KIAA1328: variants seen among roughly 807,000 people sequenced by gnomAD.
The protein encoded by KIAA1328 is protein hinderin.
In KIAA1328, 52 loss-of-function variants were observed where a neutral mutation model predicts 68.1. The observed-to-expected ratio is 0.76, with a 90% CI of 0.61 to 0.96. KIAA1328 has a LOEUF of 0.96. Among genes scored for constraint, KIAA1328 ranks in the 40% least tolerant of loss-of-function variants. The pLI, the probability that KIAA1328 is intolerant of heterozygous loss-of-function variation, is 0.00. For missense variants in KIAA1328, 641 were observed against 677.6 expected (o/e 0.95, Z 0.60); for synonymous variants, 232 against 239.4 (o/e 0.97, Z 0.28).
At chr18:37,124,845 G>T (rs188143493) in intron 7 of KIAA1328, among the ~76,000 whole-genome samples, 9 of 152,190 alleles carry the variant, frequency 5.9e-5, no homozygotes, top group African/African-American at 2.2e-4. Context: ...ATTCTTACAT[G>T]ACTGGCTTCT....
intron 6 of KIAA1328, among the ~76,000 whole-genome samples, chr18:37,064,786 G>C (rs1049438367): frequency 6.6e-6 from 1 of 152,056 alleles, no homozygotes; most frequent in South Asian, 2.1e-4. Context: ...TGAAGATGGA[G>C]GAAGGGCTAT....
At chr18:36,883,952 G>GTGTATATATATATA (rs1556808300) in intron 4 of KIAA1328, among the ~76,000 whole-genome samples, 1 of 120,804 alleles carries the variant, frequency 8.3e-6, no homozygotes, top group African/African-American at 3.3e-5. Context: ...TATTTATAAA[G>GTGTATATATATATA]TATATATATA....
chr18:37,090,412 G>T (rs556772798), intron 7 of KIAA1328, among the ~76,000 whole-genome samples: 35 of 152,202 alleles, frequency 2.3e-4, no homozygotes, highest in African/African-American at 7.7e-4. Flanking sequence ...AAATTAGTGG[G>T]CATTTTTGTT....
At chr18:37,215,339 A>T (rs2060407089) in intron 9 of KIAA1328, among the ~76,000 whole-genome samples, 1 of 96,424 alleles carries the variant, frequency 1.0e-5, no homozygotes, top group South Asian at 4.9e-4. Context: ...TACCTAGTTT[A>T]TTGAGAGTTT....
intron 5 of KIAA1328, among the ~76,000 whole-genome samples, chr18:36,897,143 A>C (rs1199256168): frequency 1.3e-5 from 2 of 152,102 alleles, no homozygotes; most frequent in African/African-American, 2.4e-5. Context: ...CTTCCTATGG[A>C]AGATGGTAAG....
chr18:36,930,565 G>A (rs2050274124), intron 5 of KIAA1328, among the ~76,000 whole-genome samples: 2 of 152,074 alleles, frequency 1.3e-5, no homozygotes, highest in Non-Finnish European at 2.9e-5. Context: ...AGCAATAGTA[G>A]TTTTAAAAAT....
At chr18:36,883,574 G>T (rs1411856878) in intron 4 of KIAA1328, among the ~76,000 whole-genome samples, 1 of 152,138 alleles carries the variant, frequency 6.6e-6, no homozygotes, top group Non-Finnish European at 1.5e-5. Context: ...GCTCTGTAAA[G>T]ATACTGTTTA....
At chr18:37,062,725 G>A (rs2056200098) in intron 6 of KIAA1328, among the ~76,000 whole-genome samples, 1 of 152,136 alleles carries the variant, frequency 6.6e-6, no homozygotes, top group Non-Finnish European at 1.5e-5. Flanking sequence ...AAAGTGCTGG[G>A]ATTACAGGCG....
chr18:37,043,626 C>T (rs1162816782), intron 6 of KIAA1328, among the ~76,000 whole-genome samples: 5 of 152,284 alleles, frequency 3.3e-5, no homozygotes, highest in African/African-American at 4.8e-5. Flanking sequence ...TGGCTTCAAC[C>T]CTTTGTCACT....
intron 6 of KIAA1328, among the ~76,000 whole-genome samples, chr18:37,035,820 G>T (rs2055003846): frequency 6.6e-6 from 1 of 152,094 alleles, no homozygotes; most frequent in Non-Finnish European, 1.5e-5. Context: ...GCTTAAAAGG[G>T]TTATAAAACC....
chr18:36,921,626 G>T (rs372268359), intron 5 of KIAA1328, among the ~76,000 whole-genome samples: 1 of 151,944 alleles, frequency 6.6e-6, no homozygotes, highest in Non-Finnish European at 1.5e-5. Flanking sequence ...GGATGGTCTC[G>T]ATCACCTGAC....
chr18:36,893,568 C>A (rs887883180), intron 5 of KIAA1328, among the ~76,000 whole-genome samples: 23 of 151,458 alleles, frequency 1.5e-4, no homozygotes, highest in Non-Finnish European at 1.5e-5. Context: ...GTGATCCTCC[C>A]GTCTTGGCCT....
chr18:37,226,976 A>G (rs1391638938), downstream of KIAA1328, among the ~76,000 whole-genome samples: 1 of 152,204 alleles, frequency 6.6e-6, no homozygotes, highest in East Asian at 1.9e-4. Flanking sequence ...CATGTTGGTC[A>G]GGCTGGTCTT....
At chr18:36,943,268 G>A (rs531612533) in intron 5 of KIAA1328, among the ~76,000 whole-genome samples, 17 of 152,234 alleles carry the variant, frequency 1.1e-4, no homozygotes, top group South Asian at 6.2e-4. Context: ...CAAAAATTTT[G>A]TTTGTAGTAT....
chr18:37,177,786 G>C (rs879547500), intron 9 of KIAA1328, among the ~76,000 whole-genome samples: 1 of 152,098 alleles, frequency 6.6e-6, no homozygotes. Flanking sequence ...TACATACTTT[G>C]AGGGACTTGA....
chr18:37,079,319 G>A (rs1259763869), intron 7 of KIAA1328, among the ~76,000 whole-genome samples: 1 of 112,984 alleles, frequency 8.9e-6, no homozygotes, highest in Non-Finnish European at 1.7e-5. Context: ...ATCACACAGC[G>A]GGGCCTGTTG....
chr18:36,860,010 C>T (rs572777977), intron 4 of KIAA1328, among the ~76,000 whole-genome samples: 3 of 151,382 alleles, frequency 2.0e-5, no homozygotes, highest in Non-Finnish European at 2.9e-5. Flanking sequence ...ATTTTACTGT[C>T]ATCCATTTAA....
At chr18:36,953,739 T>TAGTA (rs1006954060) in intron 5 of KIAA1328, among the ~76,000 whole-genome samples, 33 of 152,038 alleles carry the variant, frequency 2.2e-4, no homozygotes, top group Non-Finnish European at 4.0e-4. Context: ...ATAAAATTAG[T>TAGTA]AGTAATTCCA....
chr18:37,041,113 TG>T (rs1008339904), intron 6 of KIAA1328, among the ~76,000 whole-genome samples: 2 of 152,034 alleles, frequency 1.3e-5, no homozygotes, highest in African/African-American at 4.8e-5. Context: ...GCTGATTTTT[TG>T]TTTAGTTGTT....
Sources: allele counts gnomAD v4.1 joint callset (sites outside exome capture counted in the v4.1 genomes callset), GRCh38; gene constraint gnomAD v4.1.1; transcripts MANE v1.5; gene names NCBI Gene and HGNC (gene_info 2026-07-23, HGNC 2026-07-21).